Variants in HEATR1 observed in about 807,000 individuals in gnomAD.
HEATR1 encodes HEAT repeat containing 1, also known as HEAT repeat-containing protein 1.
A neutral mutation model predicts 248.2 loss-of-function variants in HEATR1; 77 were observed. The ratio of observed to expected loss-of-function variants is 0.31; its 90% CI spans 0.26 to 0.37. The LOEUF is 0.37. HEATR1 is among the 10% of genes least tolerant of loss of function. The pLI is 1.00. For missense variants in HEATR1, 2,420 were observed against 2,504.9 expected (o/e 0.97, Z 0.72); for synonymous variants, 897 against 923.1 (o/e 0.97, Z 0.51).
At position 236,550,528 on chromosome 1, in the gene HEATR1, G is replaced by A. The variant is rs2758998; in HGVS notation, c.*374C>T. 107,604 of 175,130 alleles carry A rather than the reference G, an allele frequency of 0.61. 34,184 individuals are homozygous for A. Among genetic ancestry groups the A allele is most frequent in the Non-Finnish European group, 0.69 (57,935 of 83,994 alleles). The allele number at this position is 175,130 out of a possible 1,614,324, so 10.8% of individuals were successfully genotyped here. On this transcript the variant is annotated 3_prime_UTR_variant, in exon 45 of 45. Coordinates refer to ENST00000366582, the MANE Select transcript of HEATR1 (RefSeq NM_018072.6). ...AATCTGCAACATGGATACCATGTAT[G>A]TAAGATACTGCTGTACAGAAGAGTT...
At position 236,555,938 on chromosome 1, in the gene HEATR1, T is replaced by G. The variant is rs572297921; in HGVS notation, c.5516A>C (p.Asn1839Thr). 1 of 1,613,684 alleles carries G rather than the reference T, an allele frequency of 6.2e-7. No homozygotes were observed. The highest frequency in any genetic ancestry group is 1.1e-5 in the South Asian group (1 of 91,066). ...TYKQIEKNWKNHMGPFMSILQ... is the reference protein window; with the variant it reads ...TYKQIEKNWKTHMGPFMSILQ... ...GATGCTCATAAACGGACCCATGTGA[T>G]TCTACCAATAACACAGGAAAGAGAT... The change falls in exon 39 of 45, where the codon AAT (asparagine) becomes ACT (threonine). Residue 1839 changes from asparagine (N) to threonine (T), a missense_variant and splice_region_variant. Transcript: ENST00000366582.
intron 25 of HEATR1, 40 bp from the exon 26 acceptor site, chr1:236,572,594 C>G (rs1663457272): frequency 2.5e-6 from 4 of 1,611,276 alleles, no homozygotes; most frequent in Non-Finnish European, 2.5e-6. Context: ...AAAGCAAACT[C>G]TATCATGTGC....
At chr1:236,592,896 T>C (rs10802550) in intron 9 of HEATR1, among the ~76,000 whole-genome samples, 93,241 of 151,952 alleles carry the variant, frequency 0.61, 30,354 homozygotes, top group East Asian at 0.72. Flanking sequence ...AACAACATAG[T>C]AAGACTACAT....
intron 11 of HEATR1, among the ~76,000 whole-genome samples, chr1:236,591,401 A>G (rs992390542): frequency 6.6e-6 from 1 of 152,186 alleles, no homozygotes; most frequent in African/African-American, 2.4e-5. Flanking sequence ...TCAACCTAAG[A>G]TTTGGAAATG....
intron 3 of HEATR1, chr1:236,602,916 C>G: frequency 2.4e-6 from 1 of 418,770 alleles, no homozygotes. Context: ...CAGCAAGACT[C>G]TATCTCAAAA....
At chr1:236,588,465 A>G (rs1027603104) in intron 12 of HEATR1, among the ~76,000 whole-genome samples, 1 of 152,174 alleles carries the variant, frequency 6.6e-6, no homozygotes, top group Non-Finnish European at 1.5e-5. Context: ...CTCACCTATA[A>G]AACAGGTTTG....
intron 26 of HEATR1, among the ~76,000 whole-genome samples, chr1:236,571,909 A>T (rs1663439361): frequency 6.6e-6 from 1 of 152,148 alleles, no homozygotes; most frequent in African/African-American, 2.4e-5. Flanking sequence ...CGTCCTCTCT[A>T]TTGCACTTTC....
At chr1:236,586,133 A>T (rs2799421) in intron 15 of HEATR1, 108 bp downstream of exon 15, 1 of 1,217,144 alleles carries the variant, frequency 8.2e-7, no homozygotes, top group Non-Finnish European at 1.1e-6. Context: ...AAAAATTTTA[A>T]AAGACCTTAC....
chr1:236,590,763 G>C (rs551065022), intron 12 of HEATR1, 84 bp downstream of exon 12: 140 of 536,864 alleles, frequency 2.6e-4, no homozygotes, highest in African/African-American at 2.5e-3. Context: ...TACCCACTTA[G>C]GTGGTAACTT....
At chr1:236,556,055 C>T in intron 38 of HEATR1, 45 bp downstream of exon 38, 2 of 1,610,798 alleles carry the variant, frequency 1.2e-6, no homozygotes, top group Non-Finnish European at 1.7e-6. Flanking sequence ...CATTGCAGTA[C>T]CACCTCTCCC....
At chr1:236,595,119 A>C (rs546097960) in intron 8 of HEATR1, among the ~76,000 whole-genome samples, 1 of 152,092 alleles carries the variant, frequency 6.6e-6, no homozygotes, top group East Asian at 1.9e-4. Flanking sequence ...ATGTATAAAA[A>C]TTTTCTTGGT....
chr1:236,551,160 C>T (rs1356074416), intron 44 of HEATR1, 170 bp from the exon 45 acceptor site: 3 of 571,264 alleles, frequency 5.3e-6, no homozygotes, highest in South Asian at 2.4e-5. Flanking sequence ...TCCCTCCACA[C>T]CGCTCCTTCC....
At chr1:236,602,451 G>A (rs1220873240) in intron 3 of HEATR1, among the ~76,000 whole-genome samples, 7 of 152,240 alleles carry the variant, frequency 4.6e-5, no homozygotes, top group African/African-American at 9.6e-5. Flanking sequence ...AGGGCCTAGT[G>A]TATAAATGCT....
chr1:236,588,110 A>G lies in HEATR1; in HGVS notation c.1531-67T>C, dbSNP rs1464578321. 3.3e-6 allele frequency: 4 copies of G among 1,223,320 alleles called. No individual in the cohort carries two copies. In the Admixed American group the frequency reaches 7.7e-5, roughly 24 times the overall value. The allele number at this position is 1,223,320 out of a possible 1,614,324, so 75.8% of individuals were successfully genotyped here. On this transcript the variant is annotated intron_variant, in intron 12 of 44. Transcript: ENST00000366582. ...AATCTCTTAAGGCTTTGCACTAGAA[A>G]GGAAGTATGGTTTTGTGAAAAACAC... is the stretch of plus-strand genomic sequence containing the variant.
Position 236,603,930 on chromosome 1 carries a change from T to C in HEATR1, c.142+24A>G, listed in dbSNP as rs781581188. On this transcript the variant is annotated intron_variant, in intron 2 of 44. Coordinates refer to ENST00000366582, the MANE Select transcript of HEATR1 (RefSeq NM_018072.6). The stretch of plus-strand genomic sequence containing the variant: ...CAGAAAACAAACGCTTCCAAGAGCT[T>C]TTCTAAGTTAAAAGATGGCTCACCA... 7 of 1,580,092 alleles carry C rather than the reference T, an allele frequency of 4.4e-6. No individual in the cohort carries two copies. The Admixed American group carries it at 1.4e-4, about 32-fold the overall frequency.
At position 236,555,829 on chromosome 1, in the gene HEATR1, C is replaced by T; in HGVS notation, c.5625G>A (p.Leu1875=). 1.2e-6 allele frequency: 2 copies of T among 1,614,090 alleles called. No homozygotes were observed. Among genetic ancestry groups the T allele is most frequent in the Non-Finnish European group, 1.7e-6 (2 of 1,179,994 alleles). ...SQLTAFFLEA[L]DFRAQHSEND... ...CCTCAGAGTGCTGGGCTCGGAAGTCCAGGGCTTCCAGGAAAAAGGCGGTTA... is the reference window on the plus strand; with the variant it reads ...CCTCAGAGTGCTGGGCTCGGAAGTCTAGGGCTTCCAGGAAAAAGGCGGTTA... Residue 1875 remains leucine, a synonymous_variant, in exon 39 of 45, where the codon CTG becomes CTA. Transcript: ENST00000366582.
At chr1:236,603,679 A>C (rs1334923499) in intron 2 of HEATR1, among the ~76,000 whole-genome samples, 2 of 147,622 alleles carry the variant, frequency 1.4e-5, no homozygotes, top group African/African-American at 5.0e-5. Flanking sequence ...CACTGCCTCC[A>C]TCCCCCTTTT....
intron 30 of HEATR1, among the ~76,000 whole-genome samples, 156 bp downstream of exon 30, chr1:236,566,490 T>C (rs1434611111): frequency 6.6e-6 from 1 of 152,154 alleles, no homozygotes; most frequent in African/African-American, 2.4e-5. Context: ...ATGCAATTTT[T>C]TAAAATGCCA....
In HEATR1 at chr1:236,585,037, G is replaced by C; in HGVS notation, c.2229C>G (p.Val743=). The C allele has an allele frequency of 6.2e-7, 1 of 1,612,648 alleles. No individual in the cohort carries two copies. The highest frequency in any genetic ancestry group is 8.5e-7 in the Non-Finnish European group (1 of 1,179,464). ...CTGCTTTCCTTACCACTGCAGTAAT[G>C]ACACTTTCAAGCTTCTTTATTTTTT... ...LQKKIKKLES[V]ITAVEIPSEW... The change falls in exon 17 of 45, where the codon GTC becomes GTG. Residue 743 remains valine (V), a synonymous_variant. Transcript: ENST00000366582.
Sources: gnomAD v4.1 joint callset for allele counts (sites outside exome capture counted in the v4.1 genomes callset) on GRCh38, gnomAD v4.1.1 for gene constraint, MANE v1.5 for transcripts, NCBI Gene and HGNC (gene_info 2026-07-23, HGNC 2026-07-21) for gene names.